MYBPC1: variants seen among roughly 807,000 people sequenced by gnomAD.
MYBPC1 encodes the protein myosin binding protein C1.
A neutral mutation model predicts 147.1 loss-of-function variants in MYBPC1; 52 were observed. The ratio of observed to expected loss-of-function variants is 0.35; its 90% CI spans 0.28 to 0.45. The LOEUF is 0.45. MYBPC1 is among the 20% of genes least tolerant of loss of function. The pLI, the probability that MYBPC1 is intolerant of heterozygous loss-of-function variation, is 1.00. For missense variants in MYBPC1, 1,228 were observed against 1,440.3 expected (o/e 0.85, Z 2.39); for synonymous variants, 477 against 475.9 (o/e 1.00, Z -0.03).
intron 13 of MYBPC1, among the ~76,000 whole-genome samples, chr12:101,647,322 T>A (rs1352553460): frequency 6.6e-6 from 1 of 152,224 alleles, no homozygotes; most frequent in African/African-American, 2.4e-5. Flanking sequence ...ATTTTCTTTA[T>A]GAGGGCTTCT....
intron 1 of MYBPC1, among the ~76,000 whole-genome samples, chr12:101,599,453 C>T (rs192483447): frequency 6.6e-5 from 10 of 152,250 alleles, no homozygotes; most frequent in African/African-American, 2.4e-4. Context: ...TCCCCTCTTG[C>T]CTATTTCTAA....
At chr12:101,637,081 A>T in intron 10 of MYBPC1, 1 of 51,480 alleles carries the variant, frequency 1.9e-5, no homozygotes, top group Non-Finnish European at 3.3e-5. Context: ...TACACATTGT[A>T]AGAGGCAGAC....
chr12:101,599,792 G>A (rs1879092280), intron 1 of MYBPC1, among the ~76,000 whole-genome samples: 1 of 152,166 alleles, frequency 6.6e-6, no homozygotes, highest in African/African-American at 2.4e-5. Context: ...AAATAAAGAA[G>A]TTGTATGAAC....
At chr12:101,662,656 G>A in intron 21 of MYBPC1, 110 bp downstream of exon 21, 1 of 1,230,764 alleles carries the variant, frequency 8.1e-7, no homozygotes, top group Middle Eastern at 2.6e-4. Flanking sequence ...AGAGTTGTAG[G>A]TGGGCAGGAG....
rs112241865 is a variant in MYBPC1 at position 101,675,695 on chromosome 12, G to C, written c.2949+264G>C. 6.1e-3 allele frequency among the ~76,000 whole-genome samples: 933 copies of C among 152,222 alleles called. 8 individuals are homozygous for C. Among genetic ancestry groups the C allele is most frequent in the Non-Finnish European group, 9.6e-3 (653 of 68,022 alleles). On this transcript the variant is annotated intron_variant, in intron 26 of 31. Coordinates refer to ENST00000361466, the MANE Select transcript of MYBPC1 (RefSeq NM_002465.4). ...TCTATTTTCCTCATCTATGTAATGG[G>C]GGCACAAATATCCCTTGCTTGATTA...
intron 3 of MYBPC1, among the ~76,000 whole-genome samples, chr12:101,623,270 T>G (rs1019584630): frequency 1.3e-5 from 2 of 151,524 alleles, no homozygotes; most frequent in African/African-American, 4.9e-5. Flanking sequence ...AACTGGGAGG[T>G]AGAGGTTGCA....
chr12:101,683,902 C>T (rs1399754193), intron 30 of MYBPC1, among the ~76,000 whole-genome samples: 2 of 152,064 alleles, frequency 1.3e-5, no homozygotes. Flanking sequence ...ATGCAGAATA[C>T]AATATTATAG....
rs1555242083 is a variant in MYBPC1 at position 101,652,648 on chromosome 12, C to T, written c.1527-30C>T. On this transcript the variant is annotated intron_variant, in intron 16 of 31. Coordinates refer to ENST00000361466, the MANE Select transcript of MYBPC1 (RefSeq NM_002465.4). ...CATATATAAACTAGATCTTTGGAGTCTTAGAAATACATTTTCCTTGTTTCC... is the reference window on the plus strand; with the variant it reads ...CATATATAAACTAGATCTTTGGAGTTTTAGAAATACATTTTCCTTGTTTCC... 9 of 1,510,016 alleles carry T rather than the reference C, an allele frequency of 6.0e-6. No homozygotes were observed. In the South Asian group the frequency reaches 9.0e-5, roughly 15 times the overall value. 93.5% of individuals were successfully genotyped at this position (1,510,016 alleles called of 1,614,324 possible). A position where few individuals can be genotyped will look rare whatever the true frequency, so the allele number is the denominator to read the frequency against.
chr12:101,605,443 C>T (rs905128196), intron 1 of MYBPC1, among the ~76,000 whole-genome samples: 3 of 152,152 alleles, frequency 2.0e-5, no homozygotes, highest in Non-Finnish European at 4.4e-5. Context: ...CCTTTGCACC[C>T]TTAACAATTA....
intron 1 of MYBPC1, among the ~76,000 whole-genome samples, chr12:101,609,553 G>T (rs1027020157): frequency 6.6e-6 from 1 of 152,120 alleles, no homozygotes; most frequent in African/African-American, 2.4e-5. Context: ...GAGCCACCAT[G>T]CAGCCTTGAA....
At chr12:101,628,131 A>G in intron 5 of MYBPC1, 1 of 330,180 alleles carries the variant, frequency 3.0e-6, no homozygotes, top group South Asian at 2.7e-5. Flanking sequence ...AGAACTTTAC[A>G]TACAGATAAT....
intron 9 of MYBPC1, among the ~76,000 whole-genome samples, chr12:101,635,284 T>C (rs1890763443): frequency 6.6e-6 from 1 of 152,184 alleles, no homozygotes; most frequent in Admixed American, 6.5e-5. Context: ...TACTTAATTA[T>C]TCCATAATAT....
chr12:101,594,994 T>A lies in MYBPC1; in HGVS notation c.-77T>A. 1 of 1,445,788 alleles carries A rather than the reference T, an allele frequency of 6.9e-7. No homozygotes were observed. Among genetic ancestry groups the A allele is most frequent in the Non-Finnish European group, 9.7e-7 (1 of 1,028,910 alleles). The allele number at this position is 1,445,788 out of a possible 1,614,324, so 89.6% of individuals were successfully genotyped here. On this transcript the variant is annotated 5_prime_UTR_variant, in exon 1 of 32. Coordinates refer to ENST00000361466, the MANE Select transcript of MYBPC1 (RefSeq NM_002465.4). ...TTGTCACACCGACCTGCACCATCTCTCGCCTGCCTGTGGGGTTTCTGTCAA... is the reference window on the plus strand; with the variant it reads ...TTGTCACACCGACCTGCACCATCTCACGCCTGCCTGTGGGGTTTCTGTCAA...
chr12:101,657,307 A>C (rs1297919121), intron 18 of MYBPC1, among the ~76,000 whole-genome samples: 1 of 152,236 alleles, frequency 6.6e-6, no homozygotes, highest in Non-Finnish European at 1.5e-5. Flanking sequence ...AAACAAGAGA[A>C]AGAAGAGTAA....
In MYBPC1 at chr12:101,662,344, T is replaced by A; in HGVS notation, c.2033-14T>A. Reference sequence around the variant, plus strand: ...CCAAGGAAAAACCTTAGTTTTCATTTTGCATACCTGCAGGATATTTTATTG... The same window carrying A: ...CCAAGGAAAAACCTTAGTTTTCATTATGCATACCTGCAGGATATTTTATTG... On this transcript the variant is annotated splice_polypyrimidine_tract_variant and intron_variant, in intron 20 of 31. Coordinates refer to ENST00000361466, the MANE Select transcript of MYBPC1 (RefSeq NM_002465.4). The A allele has an allele frequency of 6.2e-7, 1 of 1,614,010 alleles. No individual in the cohort carries two copies. Among genetic ancestry groups the A allele is most frequent in the South Asian group, 1.1e-5 (1 of 91,058 alleles).
At chr12:101,674,232 C>T (rs183547943) in intron 25 of MYBPC1, among the ~76,000 whole-genome samples, 1 of 152,270 alleles carries the variant, frequency 6.6e-6, no homozygotes, top group East Asian at 1.9e-4. Context: ...TCTCATCTCC[C>T]TGATGATAAA....
chr12:101,659,582 A>G, intron 18 of MYBPC1, 90 bp from the exon 19 acceptor site: 1 of 1,334,158 alleles, frequency 7.5e-7, no homozygotes, highest in Non-Finnish European at 1.1e-6. Context: ...TACACTCTAT[A>G]GTCTGCTGAA....
chr12:101,631,583 C>A lies in MYBPC1; in HGVS notation c.302C>A (p.Thr101Asn), dbSNP rs748539215. ...ATGCTTCTTCTAGGTGAAGATATCA[C>A]CTTCATAGCCAAAGTCAAGGCTGAA... ...GGTVKVGEDITFIAKVKAEDL... is the reference protein window; with the variant it reads ...GGTVKVGEDINFIAKVKAEDL... The change falls in exon 7 of 32, where the codon ACC becomes AAC. Residue 101 changes from threonine to asparagine, a missense_variant. By Grantham distance (65) the Thr-to-Asn change is moderately conservative. This residue lies in a region of MYBPC1 where 151 missense variants were observed against 126.1 expected (regional missense o/e 1.20). Transcript: ENST00000361466. The A allele has an allele frequency of 2.0e-5, 33 of 1,613,902 alleles. No individual in the cohort carries two copies. The highest frequency in any genetic ancestry group is 2.6e-5 in the Non-Finnish European group (31 of 1,179,952).
intron 1 of MYBPC1, among the ~76,000 whole-genome samples, chr12:101,608,009 T>C (rs1882897208): frequency 6.6e-6 from 1 of 152,230 alleles, no homozygotes; most frequent in South Asian, 2.1e-4. Flanking sequence ...CATATGGGGC[T>C]GTCTATTTCA....
Sources: gnomAD v4.1 joint callset for allele counts (sites outside exome capture counted in the v4.1 genomes callset) on GRCh38, gnomAD v4.1.1 for gene constraint, gnomAD v4.1.1 regional missense constraint, MANE v1.5 for transcripts, NCBI Gene and HGNC (gene_info 2026-07-23, HGNC 2026-07-21) for gene names.